ETHE1: variants seen among roughly 807,000 people sequenced by gnomAD.
The protein encoded by ETHE1 is persulfide dioxygenase ETHE1, mitochondrial.
ETHE1 carries 16 observed loss-of-function variants against 25.7 expected under a neutral mutation model. The ratio of observed to expected loss-of-function variants is 0.62; its 90% CI spans 0.42 to 0.95. ETHE1 has a LOEUF of 0.95. Among genes scored for constraint, ETHE1 ranks in the 40% least tolerant of loss-of-function variants. ETHE1 has a pLI of 0.00. For missense variants in ETHE1, 300 were observed against 333.6 expected, an observed-to-expected ratio of 0.90 and a Z score of 0.79; for synonymous variants, 139 against 135.9, an observed-to-expected ratio of 1.02 and a Z score of -0.16.
rs1285719254 is a variant in ETHE1, at chr19:43,526,276, A to G, written c.300T>C (p.Ser100=). ...GGGCCCCACTAAGGCGGGAGATGACAGACTGGCAGCCAGGGAGGAGGGAAC... is the reference window on the plus strand; with the variant it reads ...GGGCCCCACTAAGGCGGGAGATGACGGACTGGCAGCCAGGGAGGAGGGAAC... ...LLRSLLPGCQ[S]VISRLSGAQA... The change falls in exon 3 of 7, where the codon TCT becomes TCC. Residue 100 remains serine, a synonymous_variant. Transcript: ENST00000292147. 6.2e-7 allele frequency: 1 copy of G among 1,614,192 alleles called. No homozygotes were observed. The highest frequency in any genetic ancestry group is 1.1e-5 in the South Asian group (1 of 91,090).
At chr19:43,507,162 GT>G (rs1349616591) in intron 6 of ETHE1, among the ~76,000 whole-genome samples, 2 of 36,466 alleles carry the variant, frequency 5.5e-5, no homozygotes, top group Non-Finnish European at 5.2e-5. Flanking sequence ...CAGGAGTCCA[GT>G]CCCCCAGCCC....
chr19:43,519,790 A>T (rs1972103795), intron 3 of ETHE1, among the ~76,000 whole-genome samples: 1 of 152,194 alleles, frequency 6.6e-6, no homozygotes, highest in Non-Finnish European at 1.5e-5. Context: ...CAAGACCCGG[A>T]GTGGATGCCT....
At chr19:43,524,933 C>A (rs1303058976) in intron 3 of ETHE1, among the ~76,000 whole-genome samples, 2 of 151,572 alleles carry the variant, frequency 1.3e-5, no homozygotes, top group East Asian at 1.9e-4. Context: ...TCACTTGTGC[C>A]CAGTAGTTCA....
chr19:43,521,813 G>C (rs904385442), intron 3 of ETHE1, among the ~76,000 whole-genome samples: 1 of 152,184 alleles, frequency 6.6e-6, no homozygotes, highest in African/African-American at 2.4e-5. Flanking sequence ...CAGTGACCCA[G>C]AAAATCCAGT....
At chr19:43,520,059 AAAG>A (rs1972110139) in intron 3 of ETHE1, among the ~76,000 whole-genome samples, 2 of 151,760 alleles carry the variant, frequency 1.3e-5, no homozygotes, top group South Asian at 4.2e-4. Flanking sequence ...AAAAAAAAAA[AAAG>A]AATAGGTCGG....
Position 43,520,714 on chromosome 19 carries a change from AT to A in ETHE1, c.375+5486del, listed in dbSNP as rs1160025390. 3.4e-4 allele frequency among the ~76,000 whole-genome samples: 51 copies of A among 151,566 alleles called. 1 individual carries two copies. Among genetic ancestry groups the A allele is most frequent in the Middle Eastern group, 6.8e-3 (2 of 294 alleles). The stretch of plus-strand genomic sequence containing the variant: ...GACCCTGTCTCAAAAAAAAAAAAAA[AT>A]TTTTTTTCAGCTTTTCTCTATGCTT... On this transcript the variant is annotated intron_variant, in intron 3 of 6. Transcript: ENST00000292147.
chr19:43,524,740 G>A (rs1057116908), intron 3 of ETHE1, among the ~76,000 whole-genome samples: 3 of 152,056 alleles, frequency 2.0e-5, no homozygotes, highest in Non-Finnish European at 4.4e-5. Flanking sequence ...GAAGGTCAAG[G>A]CTGCAGTAAG....
At position 43,511,259 on chromosome 19, in the gene ETHE1, C is replaced by T. The variant is rs143282901; in HGVS notation, c.505+178G>A. ...ATGGAAAAATTGTCTTCCACGAAAC[C>T]GGTCCCTGGTGCCAAAAAGGTTGGG... On this transcript the variant is annotated intron_variant, in intron 4 of 6. Coordinates refer to ENST00000292147, the MANE Select transcript of ETHE1 (RefSeq NM_014297.5). Among the ~76,000 whole-genome samples the T allele has an allele frequency of 8.5e-4, 130 of 152,276 alleles. 2 individuals carry two copies. Among genetic ancestry groups the T allele is most frequent in the African/African-American group, 3.0e-3 (126 of 41,546 alleles).
At chr19:43,509,379 C>A (rs984044283) in intron 4 of ETHE1, among the ~76,000 whole-genome samples, 1 of 151,958 alleles carries the variant, frequency 6.6e-6, no homozygotes, top group Non-Finnish European at 1.5e-5. Context: ...TGCCTGTAAT[C>A]CCAGCTATTT....
chr19:43,509,484 G>A (rs78759626), intron 4 of ETHE1, among the ~76,000 whole-genome samples: 5 of 140,644 alleles, frequency 3.6e-5, no homozygotes, highest in African/African-American at 1.1e-4. Context: ...GAGATAGAGC[G>A]CGGCTCTGTC....
intron 3 of ETHE1, among the ~76,000 whole-genome samples, chr19:43,521,668 T>C (rs1972140951): frequency 6.9e-6 from 1 of 145,498 alleles, no homozygotes; most frequent in Non-Finnish European, 1.5e-5. Flanking sequence ...AGACTCTGTC[T>C]CTAAAAAAAA....
chr19:43,527,148 C>T lies in ETHE1; in HGVS notation c.30G>A (p.Arg10=). Residue 10 remains arginine, a synonymous_variant, in exon 1 of 7, where the codon CGG becomes CGA. Coordinates refer to ENST00000292147, the MANE Select transcript of ETHE1 (RefSeq NM_014297.5). MAEAVLRVA[R]RQLSQRGGSG... ...ACCCGCCGCGCTGGCTCAGCTGCCG[C>T]CGGGCGACCCTCAGTACAGCCTCCG... is the stretch of plus-strand genomic sequence containing the variant. The T allele has an allele frequency of 6.5e-7, 1 of 1,547,520 alleles. No homozygotes were observed.
chr19:43,510,135 A>T (rs1971880655), intron 4 of ETHE1, among the ~76,000 whole-genome samples: 1 of 151,948 alleles, frequency 6.6e-6, no homozygotes, highest in African/African-American at 2.4e-5. Context: ...TCCCCACAAG[A>T]CAGCTAAATT....
chr19:43,506,740 T>G lies in ETHE1; in HGVS notation c.*110A>C. On this transcript the variant is annotated 3_prime_UTR_variant, in exon 7 of 7. Coordinates refer to ENST00000292147, the MANE Select transcript of ETHE1 (RefSeq NM_014297.5). Reference sequence around the variant, plus strand: ...AGACTCACGTTAAAAAAAGTTTTATTTAGGGAGCTCCAGGGAATGCGGTGG... The same window carrying G: ...AGACTCACGTTAAAAAAAGTTTTATGTAGGGAGCTCCAGGGAATGCGGTGG... The G allele has an allele frequency of 9.2e-7, 1 of 1,086,890 alleles. No homozygotes were observed. Among genetic ancestry groups the G allele is most frequent in the Non-Finnish European group, 1.4e-6 (1 of 710,008 alleles). The allele number at this position is 1,086,890 out of a possible 1,614,324, so 67.3% of individuals were successfully genotyped here.
intron 5 of ETHE1, 122 bp downstream of exon 5, chr19:43,508,653 A>C: frequency 1.1e-6 from 1 of 870,852 alleles, no homozygotes; most frequent in Non-Finnish European, 1.9e-6. Flanking sequence ...TCAAACACTT[A>C]ATTTTTTTTG....
Position 43,506,768 on chromosome 19 carries a change from A to G in ETHE1, c.*82T>C. On this transcript the variant is annotated 3_prime_UTR_variant, in exon 7 of 7. Transcript: ENST00000292147. ...GGGAGCTCCAGGGAATGCGGTGGGA[A>G]AGGAGAGGTGCAGTGTCATTGCCGC... 7.8e-7 allele frequency: 1 copy of G among 1,287,798 alleles called. No homozygotes were observed. The highest frequency in any genetic ancestry group is 1.1e-6 in the Non-Finnish European group (1 of 885,490). The allele number at this position is 1,287,798 out of a possible 1,614,324, so 79.8% of individuals were successfully genotyped here.
Position 43,508,078 on chromosome 19 carries a change from G to T in ETHE1, c.596-18C>A. On this transcript the variant is annotated intron_variant, in intron 5 of 6. Transcript: ENST00000292147. The stretch of plus-strand genomic sequence containing the variant: ...TGTGAACCCTAGGGGCCAAGGGAGG[G>T]GAAGGAAAGTCAAGGAGTCTAGTGC... 1 of 1,613,006 alleles carries T rather than the reference G, an allele frequency of 6.2e-7. No homozygotes were observed. The highest frequency in any genetic ancestry group is 8.5e-7 in the Non-Finnish European group (1 of 1,179,814).
chr19:43,510,871 A>G (rs1436484651), intron 4 of ETHE1, among the ~76,000 whole-genome samples: 1 of 152,012 alleles, frequency 6.6e-6, no homozygotes, highest in Non-Finnish European at 1.5e-5. Flanking sequence ...TGGGTGAGTG[A>G]GCAAAGCTTC....
chr19:43,517,690 T>C (rs376993701), intron 3 of ETHE1, among the ~76,000 whole-genome samples: 1 of 151,242 alleles, frequency 6.6e-6, no homozygotes, highest in East Asian at 2.0e-4. Context: ...GCAGGAGAAT[T>C]GCTTGAACCC....
Sources: gnomAD v4.1 joint callset for allele counts (sites outside exome capture counted in the v4.1 genomes callset) on GRCh38, gnomAD v4.1.1 for gene constraint, MANE v1.5 for transcripts, NCBI Gene and HGNC (gene_info 2026-07-23, HGNC 2026-07-21) for gene names.